The following TMC1 variants were observed in gnomAD, a reference collection of about 807,000 sequenced individuals.
TMC1 encodes transmembrane channel like 1.
TMC1 carries 84 observed loss-of-function variants against 105.8 expected under a neutral mutation model. The observed-to-expected ratio is 0.79, with a 90% CI of 0.67 to 0.95. The LOEUF is 0.95. Among genes scored for constraint, TMC1 ranks in the 40% least tolerant of loss-of-function variants. TMC1 has a pLI of 0.00. For missense variants in TMC1, 817 were observed against 914.1 expected (o/e 0.89, Z 1.37); for synonymous variants, 315 against 311.5 (o/e 1.01, Z -0.12).
chr9:72,534,067 A>G (rs1455194885), intron 1 of TMC1, among the ~76,000 whole-genome samples: 1 of 152,194 alleles, frequency 6.6e-6, no homozygotes, highest in Non-Finnish European at 1.5e-5. Flanking sequence ...TGGGAGGCAG[A>G]GGTTGCAGTG....
intron 17 of TMC1, among the ~76,000 whole-genome samples, chr9:72,804,303 A>AT (rs766459034): frequency 1.5e-4 from 23 of 152,184 alleles, no homozygotes; most frequent in Non-Finnish European, 3.2e-4. Flanking sequence ...TAGGTGATGG[A>AT]TTGATAGGTG....
At chr9:72,743,064 C>T (rs1214349231) in intron 10 of TMC1, among the ~76,000 whole-genome samples, 1 of 151,998 alleles carries the variant, frequency 6.6e-6, no homozygotes, top group Non-Finnish European at 1.5e-5. Flanking sequence ...GGTGAATCCC[C>T]GTCTCTACTA....
chr9:72,793,244 C>G (rs1828306663), intron 17 of TMC1, among the ~76,000 whole-genome samples: 1 of 152,180 alleles, frequency 6.6e-6, no homozygotes, highest in South Asian at 2.1e-4. Flanking sequence ...AACCACACCC[C>G]TTAGAAAAGG....
At chr9:72,760,838 A>C (rs950457958) in intron 12 of TMC1, among the ~76,000 whole-genome samples, 1 of 152,128 alleles carries the variant, frequency 6.6e-6, no homozygotes, top group Non-Finnish European at 1.5e-5. Flanking sequence ...AGGAACTACC[A>C]ATCTGTAGAG....
intron 1 of TMC1, among the ~76,000 whole-genome samples, chr9:72,560,021 C>A (rs1044890378): frequency 6.6e-6 from 1 of 152,126 alleles, no homozygotes; most frequent in Non-Finnish European, 1.5e-5. Flanking sequence ...TTAGAAGGAG[C>A]CTCTGGGCCT....
chr9:72,750,369 T>G (rs1215145423), intron 10 of TMC1, among the ~76,000 whole-genome samples: 1 of 152,232 alleles, frequency 6.6e-6, no homozygotes, highest in African/African-American at 2.4e-5. Flanking sequence ...AGGTGTTTGT[T>G]GTTTTTTCTT....
Position 72,788,490 on chromosome 9 carries a change from G to A in TMC1, c.1029+7G>A, listed in dbSNP as rs1222212369. The A allele has an allele frequency of 1.9e-6, 3 of 1,613,904 alleles. No individual in the cohort carries two copies. In the South Asian group the frequency reaches 3.3e-5, roughly 18 times the overall value. Reference sequence around the variant, plus strand: ...TATCACAATGAACTTTAAGGTAGAGGCACCAACTTCAAAAACCTGCTGTTT... The same window carrying A: ...TATCACAATGAACTTTAAGGTAGAGACACCAACTTCAAAAACCTGCTGTTT... On this transcript the variant is annotated splice_region_variant and intron_variant, in intron 14 of 23. Transcript: ENST00000297784.
intron 2 of TMC1, among the ~76,000 whole-genome samples, chr9:72,609,832 A>G (rs1342460697): frequency 6.6e-6 from 1 of 151,732 alleles, no homozygotes. Flanking sequence ...CTTCCATCAA[A>G]TTAACCTTTC....
At chr9:72,618,237 C>T (rs1383624590) in intron 3 of TMC1, among the ~76,000 whole-genome samples, 1 of 151,862 alleles carries the variant, frequency 6.6e-6, no homozygotes, top group African/African-American at 2.4e-5. Flanking sequence ...CCATGTTGGC[C>T]AGGCTGGTCT....
chr9:72,754,113 G>A (rs1360835913), intron 11 of TMC1, among the ~76,000 whole-genome samples: 2 of 152,178 alleles, frequency 1.3e-5, no homozygotes, highest in East Asian at 1.9e-4. Flanking sequence ...AAGCTATGGG[G>A]GCTAGAAAGG....
At chr9:72,744,407 G>A (rs2118031753) in intron 10 of TMC1, among the ~76,000 whole-genome samples, 1 of 151,888 alleles carries the variant, frequency 6.6e-6, no homozygotes, top group South Asian at 2.1e-4. Context: ...ACCAATCTAG[G>A]AAAAAAAGAA....
chr9:72,722,832 G>T (rs1387667183), intron 8 of TMC1, among the ~76,000 whole-genome samples: 1 of 152,134 alleles, frequency 6.6e-6, no homozygotes, highest in African/African-American at 2.4e-5. Context: ...TTTCCGTGGT[G>T]TAAATACTTC....
chr9:72,636,900 G>A (rs1462385800), intron 4 of TMC1, among the ~76,000 whole-genome samples: 1 of 152,066 alleles, frequency 6.6e-6, no homozygotes, highest in Admixed American at 6.6e-5. Context: ...GATGCTATTG[G>A]TGTTGTGGGC....
chr9:72,651,423 T>A (rs573613724), intron 5 of TMC1: 1 of 152,254 alleles, frequency 6.6e-6, no homozygotes, highest in Admixed American at 6.5e-5. Flanking sequence ...GTGTGATGTT[T>A]TAGCCAAGTC....
chr9:72,614,221 A>G (rs567577041), intron 2 of TMC1, among the ~76,000 whole-genome samples: 8 of 152,168 alleles, frequency 5.3e-5, no homozygotes, highest in Non-Finnish European at 4.4e-5. Context: ...ACAATGACAC[A>G]TGGAGGTCAG....
intron 12 of TMC1, among the ~76,000 whole-genome samples, chr9:72,762,087 T>C (rs1226664878): frequency 6.6e-6 from 1 of 152,138 alleles, no homozygotes; most frequent in Non-Finnish European, 1.5e-5. Context: ...GCAGGCCCTA[T>C]ACCTGTGAAA....
At chr9:72,766,908 T>C (rs1192636565) in intron 12 of TMC1, among the ~76,000 whole-genome samples, 2 of 152,198 alleles carry the variant, frequency 1.3e-5, no homozygotes, top group Non-Finnish European at 2.9e-5. Flanking sequence ...CTAATGGGTC[T>C]GGCTGGAGAG....
chr9:72,571,109 G>A (rs902811591), intron 1 of TMC1, among the ~76,000 whole-genome samples: 1 of 149,734 alleles, frequency 6.7e-6, no homozygotes, highest in Non-Finnish European at 1.5e-5. Context: ...GATCATTTGA[G>A]GTCAGGAGTT....
At chr9:72,835,911 C>G (rs536601895) in intron 23 of TMC1, 40 bp from the exon 24 acceptor site, 2 of 1,522,580 alleles carry the variant, frequency 1.3e-6, no homozygotes, top group East Asian at 4.5e-5. Flanking sequence ...CTCTCTCTCT[C>G]CTTGTTTTTT....
Sources: gnomAD v4.1 joint callset for allele counts (sites outside exome capture counted in the v4.1 genomes callset) on GRCh38, gnomAD v4.1.1 for gene constraint, MANE v1.5 for transcripts, NCBI Gene and HGNC (gene_info 2026-07-23, HGNC 2026-07-21) for gene names.